The following CNTNAP4 variants were observed in gnomAD, a reference collection of about 807,000 sequenced individuals.
CNTNAP4 encodes contactin-associated protein-like 4.
CNTNAP4 carries 98 observed loss-of-function variants against 148.4 expected under a neutral mutation model. That is an observed-to-expected ratio of 0.66 (90% CI 0.56 to 0.78). CNTNAP4 has a LOEUF of 0.78. CNTNAP4 is among the 30% of genes least tolerant of loss of function. CNTNAP4 has a pLI of 0.00. For synonymous variants in CNTNAP4, 730 were observed against 565.1 expected (o/e 1.29, Z -4.14); for missense variants, 1,935 against 1,565.6 (o/e 1.24, Z -3.98).
chr16:76,467,589 TAAGA>T, intron 10 of CNTNAP4, 66 bp downstream of exon 10: 1 of 1,275,238 alleles, frequency 7.8e-7, no homozygotes, highest in Non-Finnish European at 1.1e-6. Flanking sequence ...AATTTATGTA[TAAGA>T]TGAACAATTA....
intron 3 of CNTNAP4, among the ~76,000 whole-genome samples, chr16:76,419,410 G>A (rs1489033062): frequency 6.6e-6 from 1 of 152,004 alleles, no homozygotes; most frequent in South Asian, 2.1e-4. Context: ...AGCCAGAAGG[G>A]AGTCTTTTTC....
In CNTNAP4 at chr16:76,321,664, C is replaced by A. The variant is rs560507643; in HGVS notation, c.196+5141C>A. Reference sequence around the variant, plus strand: ...ATTAGCCGGGCGTGGTGGCGGGTCCCTGTAACCCCAGCTACTCAGGAGGCT... The same window carrying A: ...ATTAGCCGGGCGTGGTGGCGGGTCCATGTAACCCCAGCTACTCAGGAGGCT... On this transcript the variant is annotated intron_variant, in intron 2 of 23. Coordinates refer to ENST00000611870, the MANE Select transcript of CNTNAP4 (RefSeq NM_033401.5). Among the ~76,000 whole-genome samples, 127 of 151,548 alleles carry A rather than the reference C, an allele frequency of 8.4e-4. 4 individuals are homozygous for A. In the South Asian group the frequency reaches 0.023, roughly 27 times the overall value.
intron 2 of CNTNAP4, among the ~76,000 whole-genome samples, chr16:76,329,882 G>T (rs192229742): frequency 4.6e-5 from 7 of 152,306 alleles, no homozygotes; most frequent in African/African-American, 1.2e-4. Context: ...GAGACTGTGT[G>T]CCAGAAAGAG....
At chr16:76,458,331 A>G (rs143880846) in intron 8 of CNTNAP4, among the ~76,000 whole-genome samples, 64 of 152,110 alleles carry the variant, frequency 4.2e-4, no homozygotes, top group African/African-American at 1.5e-3. Flanking sequence ...ATGAAAGACA[A>G]TTTTTCTAGG....
intron 3 of CNTNAP4, among the ~76,000 whole-genome samples, chr16:76,403,090 TTTTA>T (rs201694021): frequency 0.035 from 5,213 of 148,610 alleles, 264 homozygotes; most frequent in African/African-American, 0.13. Flanking sequence ...TGTTGTTGGG[TTTTA>T]TTTTTTTTTT....
intron 2 of CNTNAP4, among the ~76,000 whole-genome samples, chr16:76,335,362 A>G (rs941938524): frequency 2.0e-5 from 3 of 152,158 alleles, no homozygotes; most frequent in African/African-American, 7.2e-5. Flanking sequence ...GAGTCACTCA[A>G]TGCTTAAGAG....
chr16:76,558,360 A>G (rs2085281169), intron 23 of CNTNAP4, 130 bp from the exon 24 acceptor site: 2 of 541,536 alleles, frequency 3.7e-6, no homozygotes. Context: ...TGAAGTTTTT[A>G]TATTTCCAAT....
chr16:76,510,124 C>T (rs1190263796), intron 15 of CNTNAP4, among the ~76,000 whole-genome samples: 2 of 41,168 alleles, frequency 4.9e-5, no homozygotes, highest in African/African-American at 7.1e-5. Context: ...GACCTGCTCC[C>T]ATTTTCCAGA....
In CNTNAP4 at chr16:76,448,224, A is replaced by G. The variant is rs752972815; in HGVS notation, c.742+9A>G. On this transcript the variant is annotated intron_variant, in intron 5 of 23. Coordinates refer to ENST00000611870, the MANE Select transcript of CNTNAP4 (RefSeq NM_033401.5). ...TTTACTTATTAATTCAGGTAAAACT[A>G]TTCGGTGAAGTGCTCAAAAATCTGA... is the stretch of plus-strand genomic sequence containing the variant. The G allele has an allele frequency of 1.8e-5, 29 of 1,587,690 alleles. No homozygotes were observed. Among genetic ancestry groups the G allele is most frequent in the Non-Finnish European group, 2.2e-5 (26 of 1,159,324 alleles).
intron 12 of CNTNAP4, among the ~76,000 whole-genome samples, chr16:76,484,022 A>G (rs1449800773): frequency 6.6e-6 from 1 of 151,914 alleles, no homozygotes. Flanking sequence ...TATTGAATAT[A>G]TTATTTAAAT....
chr16:76,507,340 C>T (rs1469774775), intron 15 of CNTNAP4, among the ~76,000 whole-genome samples: 1 of 97,528 alleles, frequency 1.0e-5, no homozygotes, highest in African/African-American at 2.6e-5. Flanking sequence ...TTTTTCTGTA[C>T]CCATTAACCA....
intron 15 of CNTNAP4, among the ~76,000 whole-genome samples, chr16:76,501,840 G>T (rs1424559091): frequency 6.6e-6 from 1 of 152,186 alleles, no homozygotes. Context: ...GGAGGCCGAG[G>T]CGGGCGGATC....
chr16:76,535,668 G>A lies in CNTNAP4; in HGVS notation c.2879G>A (p.Gly960Glu). 1.2e-6 allele frequency: 2 copies of A among 1,614,044 alleles called. No individual in the cohort carries two copies. Among genetic ancestry groups the A allele is most frequent in the South Asian group, 1.1e-5 (1 of 91,080 alleles). The change falls in exon 18 of 24, where the codon GGA becomes GAA. Residue 960 changes from glycine (G) to glutamate (E), a missense_variant. Physicochemically the swap from Gly to Glu is moderately conservative, Grantham distance 98 (BLOSUM62 -2). Transcript: ENST00000611870. ...CCAGAAGTGCAGCCAGGTTGTAGGG[G>A]ACATTGCAGCAGCTATGGGAAGTTA... ...VTPEVQPGCR[G>E]HCSSYGKLCR...
intron 9 of CNTNAP4, among the ~76,000 whole-genome samples, chr16:76,465,191 A>G (rs2081132423): frequency 6.6e-6 from 1 of 152,224 alleles, no homozygotes; most frequent in Non-Finnish European, 1.5e-5. Context: ...CCAGTAATGG[A>G]TCCATCCATT....
At chr16:76,434,013 A>G (rs919179602) in intron 4 of CNTNAP4, among the ~76,000 whole-genome samples, 4 of 86,316 alleles carry the variant, frequency 4.6e-5, no homozygotes, top group African/African-American at 4.6e-4. Flanking sequence ...CAGAACTAAT[A>G]TATATATGTG....
At position 76,427,583 on chromosome 16, in the gene CNTNAP4, G is replaced by A. The variant is rs1349016086; in HGVS notation, c.522G>A (p.Val174=). The A allele has an allele frequency of 6.2e-7, 1 of 1,610,986 alleles. No individual in the cohort carries two copies. The highest frequency in any genetic ancestry group is 1.7e-4 in the Middle Eastern group (1 of 6,046). ...PKGRIGMRIE[V]FGCAYRSEVV... ...GCAGAATTGGAATGCGAATCGAAGTGTTCGGATGTGCATACAGTAAGTGTT... is the reference window on the plus strand; with the variant it reads ...GCAGAATTGGAATGCGAATCGAAGTATTCGGATGTGCATACAGTAAGTGTT... Residue 174 remains valine, a synonymous_variant, in exon 4 of 24, where the codon GTG becomes GTA. Coordinates refer to ENST00000611870, the MANE Select transcript of CNTNAP4 (RefSeq NM_033401.5).
Position 76,407,601 on chromosome 16 carries a change from G to C in CNTNAP4, c.391-19851G>C, listed in dbSNP as rs559361332. On this transcript the variant is annotated intron_variant, in intron 3 of 23. Transcript: ENST00000611870. ...GAAAATAGCAAGAGAACTAGAATTA[G>C]AATTGGAGCCTAAAGATGTGACTGA... Among the ~76,000 whole-genome samples, 3 of 152,200 alleles carry C rather than the reference G, an allele frequency of 2.0e-5. No individual in the cohort carries two copies. In the South Asian group the frequency reaches 6.2e-4, roughly 32 times the overall value.
At chr16:76,448,262 C>A in intron 5 of CNTNAP4, 47 bp downstream of exon 5, 1 of 1,326,358 alleles carries the variant, frequency 7.5e-7, no homozygotes, top group South Asian at 1.3e-5. Flanking sequence ...ATTTAGATAT[C>A]ACCTAAGTCA....
intron 18 of CNTNAP4, among the ~76,000 whole-genome samples, chr16:76,536,504 A>C (rs1052153371): frequency 6.6e-6 from 1 of 152,068 alleles, no homozygotes; most frequent in Non-Finnish European, 1.5e-5. Context: ...CCCTGTTACT[A>C]TTGTATTTGT....
Sources: allele counts gnomAD v4.1 joint callset (sites outside exome capture counted in the v4.1 genomes callset), GRCh38; gene constraint gnomAD v4.1.1; transcripts MANE v1.5; gene names NCBI Gene and HGNC (gene_info 2026-07-23, HGNC 2026-07-21).